Variants in MAP4K3 observed in about 807,000 individuals in gnomAD.
MAP4K3 encodes the protein mitogen-activated protein kinase kinase kinase kinase 3.
A neutral mutation model predicts 143.5 loss-of-function variants in MAP4K3; 94 were observed. That is an observed-to-expected ratio of 0.65 (90% CI 0.55 to 0.78). MAP4K3 has a LOEUF of 0.78. MAP4K3 is among the 30% of genes least tolerant of loss of function. The pLI is 0.00. For missense variants in MAP4K3, 1,077 were observed against 1,068.1 expected (o/e 1.01, Z -0.12); for synonymous variants, 416 against 347.2 (o/e 1.20, Z -2.20).
At position 39,260,314 on chromosome 2, in the gene MAP4K3, C is replaced by T. The variant is rs538550180; in HGVS notation, c.2308+292G>A. ...CAATTTTTTTAGAGACAGGGTCTTG[C>T]TACATTGCCCAGGCTGTTCTTGAAC... On this transcript the variant is annotated intron_variant, in intron 29 of 33. Transcript: ENST00000263881. Among the ~76,000 whole-genome samples, 41 of 152,178 alleles carry T rather than the reference C, an allele frequency of 2.7e-4. 4 individuals are homozygous for T. The South Asian group carries it at 7.1e-3, about 26-fold the overall frequency.
intron 15 of MAP4K3, among the ~76,000 whole-genome samples, chr2:39,301,811 T>A (rs1008045587): frequency 5.3e-5 from 8 of 151,898 alleles, no homozygotes; most frequent in Admixed American, 6.6e-5. Context: ...GATCATGAGG[T>A]CAGGAGGTCG....
rs1325178376 is a variant in MAP4K3, at chr2:39,355,808, C to T, written c.245+441G>A. 2.6e-5 allele frequency among the ~76,000 whole-genome samples: 4 copies of T among 152,226 alleles called. No individual in the cohort carries two copies. The East Asian group carries it at 7.7e-4, about 29-fold the overall frequency. On this transcript the variant is annotated intron_variant, in intron 3 of 33. Coordinates refer to ENST00000263881, the MANE Select transcript of MAP4K3 (RefSeq NM_003618.4). ...TAAGTTACTGAGATGATTATAGTTC[C>T]TAGTTCTTTGGATACAATGAAGGAA...
chr2:39,363,609 C>T (rs1266485921), intron 2 of MAP4K3, among the ~76,000 whole-genome samples: 3 of 134,624 alleles, frequency 2.2e-5, no homozygotes, highest in African/African-American at 5.6e-5. Flanking sequence ...GTGGAGGTTG[C>T]AGTGAGCCAA....
At chr2:39,291,417 G>T (rs985006945) in intron 18 of MAP4K3, among the ~76,000 whole-genome samples, 1 of 152,054 alleles carries the variant, frequency 6.6e-6, no homozygotes, top group South Asian at 2.1e-4. Context: ...GCCACATCTG[G>T]CTTATGAAAT....
intron 1 of MAP4K3, among the ~76,000 whole-genome samples, chr2:39,387,217 C>CTT (rs1385353076): frequency 1.3e-5 from 2 of 151,960 alleles, no homozygotes; most frequent in East Asian, 3.8e-4. Flanking sequence ...AACAAAGGTC[C>CTT]TTTGCCTTTC....
chr2:39,433,128 T>C (rs185447961), intron 1 of MAP4K3, among the ~76,000 whole-genome samples: 39 of 152,278 alleles, frequency 2.6e-4, no homozygotes, highest in Non-Finnish European at 4.3e-4. Flanking sequence ...CCAACCACAC[T>C]TTGGAAAATG....
At chr2:39,385,153 C>T (rs894302379) in intron 1 of MAP4K3, among the ~76,000 whole-genome samples, 3 of 152,040 alleles carry the variant, frequency 2.0e-5, no homozygotes, top group African/African-American at 2.4e-5. Flanking sequence ...TTGGCAAATA[C>T]GGAAAGAGCT....
intron 28 of MAP4K3, among the ~76,000 whole-genome samples, chr2:39,263,417 C>T (rs530206880): frequency 6.7e-6 from 1 of 148,726 alleles, no homozygotes; most frequent in Non-Finnish European, 1.5e-5. Context: ...GGACTACAGG[C>T]GCCCACCATC....
chr2:39,340,715 A>C (rs1345342783), intron 4 of MAP4K3, among the ~76,000 whole-genome samples: 2 of 152,224 alleles, frequency 1.3e-5, no homozygotes, highest in East Asian at 3.8e-4. Flanking sequence ...ATGTAAAAGA[A>C]GGAATGAAAA....
At chr2:39,320,603 C>G (rs1432059850) in intron 12 of MAP4K3, among the ~76,000 whole-genome samples, 1 of 151,880 alleles carries the variant, frequency 6.6e-6, no homozygotes, top group Non-Finnish European at 1.5e-5. Context: ...GCACTGCCAA[C>G]TTCATACAGG....
At chr2:39,400,265 T>A (rs1019870021) in intron 1 of MAP4K3, among the ~76,000 whole-genome samples, 2 of 152,182 alleles carry the variant, frequency 1.3e-5, no homozygotes, top group Admixed American at 1.3e-4. Context: ...CAGGCCACCA[T>A]AATCTCTTCT....
At position 39,307,926 on chromosome 2, in the gene MAP4K3, C is replaced by T. The variant is rs1280528693; in HGVS notation, c.1119+17G>A. On this transcript the variant is annotated intron_variant, in intron 15 of 33. Coordinates refer to ENST00000263881, the MANE Select transcript of MAP4K3 (RefSeq NM_003618.4). Reference sequence around the variant, plus strand: ...CTAAAACAATGCTGACAAAGAAAATCAGAAGATGAGAAATACCAGATTAGA... The same window carrying T: ...CTAAAACAATGCTGACAAAGAAAATTAGAAGATGAGAAATACCAGATTAGA... 2.0e-6 allele frequency: 3 copies of T among 1,512,394 alleles called. No individual in the cohort carries two copies. The highest frequency in any genetic ancestry group is 2.1e-5 in the Admixed American group (1 of 46,814). The allele number at this position is 1,512,394 out of a possible 1,614,324, so 93.7% of individuals were successfully genotyped here. A position where few individuals can be genotyped will look rare whatever the true frequency, so the allele number is the denominator to read the frequency against.
At chr2:39,412,379 C>T (rs183971309) in intron 1 of MAP4K3, among the ~76,000 whole-genome samples, 17 of 152,188 alleles carry the variant, frequency 1.1e-4, no homozygotes, top group Middle Eastern at 3.4e-3. Context: ...ATCTATTACA[C>T]TAGAAGCTGG....
At chr2:39,337,987 T>A (rs1665022962) in intron 4 of MAP4K3, among the ~76,000 whole-genome samples, 1 of 151,956 alleles carries the variant, frequency 6.6e-6, no homozygotes, top group South Asian at 2.1e-4. Flanking sequence ...GGTATTGAAT[T>A]TCTGGGCTCA....
intron 2 of MAP4K3, among the ~76,000 whole-genome samples, chr2:39,357,940 C>T (rs1263472132): frequency 2.0e-5 from 3 of 152,128 alleles, no homozygotes; most frequent in African/African-American, 7.2e-5. Context: ...GGTTGGAAGA[C>T]AAAAGCTCTC....
intron 1 of MAP4K3, among the ~76,000 whole-genome samples, chr2:39,408,974 A>G (rs1667166624): frequency 6.6e-6 from 1 of 152,200 alleles, no homozygotes. Context: ...AGAGAAATGA[A>G]AAAGCAAAAA....
At chr2:39,398,582 ATTCT>A (rs1490089338) in intron 1 of MAP4K3, among the ~76,000 whole-genome samples, 1 of 151,870 alleles carries the variant, frequency 6.6e-6, no homozygotes, top group Non-Finnish European at 1.5e-5. Flanking sequence ...AAATAAACGC[ATTCT>A]TTATTAAAAT....
chr2:39,430,995 T>C (rs538471197), intron 1 of MAP4K3, among the ~76,000 whole-genome samples: 1 of 152,296 alleles, frequency 6.6e-6, no homozygotes, highest in East Asian at 1.9e-4. Context: ...AAATATTTAT[T>C]AAGAACCTAA....
chr2:39,319,846 G>T (rs1384493627), intron 12 of MAP4K3, among the ~76,000 whole-genome samples: 1 of 152,110 alleles, frequency 6.6e-6, no homozygotes, highest in Non-Finnish European at 1.5e-5. Context: ...TAAGGCTAAA[G>T]ACCATATTTT....
Sources: allele counts gnomAD v4.1 joint callset (sites outside exome capture counted in the v4.1 genomes callset), GRCh38; gene constraint gnomAD v4.1.1; transcripts MANE v1.5; gene names NCBI Gene and HGNC (gene_info 2026-07-23, HGNC 2026-07-21).